EML5: variants seen among roughly 807,000 people sequenced by gnomAD.
The protein encoded by EML5 is EMAP like 5, also known as echinoderm microtubule-associated protein-like 5.
EML5 carries 120 observed loss-of-function variants against 250.0 expected under a neutral mutation model. The ratio of observed to expected loss-of-function variants is 0.48; its 90% CI spans 0.41 to 0.56. EML5 has a LOEUF of 0.56. Among genes scored for constraint, EML5 ranks in the 20% least tolerant of loss-of-function variants. The pLI is 0.00. For synonymous variants in EML5, 771 were observed against 806.5 expected (o/e 0.96, Z 0.75); for missense variants, 2,006 against 2,437.6 (o/e 0.82, Z 3.73).
At chr14:88,731,244 G>A (rs1020586427) in intron 7 of EML5, among the ~76,000 whole-genome samples, 9 of 117,376 alleles carry the variant, frequency 7.7e-5, no homozygotes, top group Admixed American at 2.0e-4. Context: ...GACAGGCCCC[G>A]GTGTGTGATG....
chr14:88,616,973 CT>C, intron 41 of EML5, 94 bp from the exon 42 acceptor site: 2 of 1,168,662 alleles, frequency 1.7e-6, no homozygotes, highest in South Asian at 3.3e-5. Flanking sequence ...TCTAAGTACC[CT>C]ATCATGTTAC....
chr14:88,707,650 A>T (rs918335401), intron 10 of EML5, among the ~76,000 whole-genome samples: 1 of 152,170 alleles, frequency 6.6e-6, no homozygotes, highest in Non-Finnish European at 1.5e-5. Flanking sequence ...ATTTAAGATA[A>T]CTATCATCAT....
At position 88,705,587 on chromosome 14, in the gene EML5, T is replaced by A. The variant is rs913673837; in HGVS notation, c.1827A>T (p.Glu609Asp). Residue 609 changes from glutamate (E) to aspartate (D), a missense_variant and splice_region_variant, in exon 12 of 44, where the codon GAA becomes GAT. Glu to Asp is a conservative substitution (Grantham distance 45, BLOSUM62 2). Transcript: ENST00000554922. ...CATCACTATGAGAGTCAGCCAGACT[T>A]TCTGTAATTTTTAAAAATGAAATGT... ...LKDAVHIAPQ[E>D]SLADSHSDES... 5 of 1,571,044 alleles carry A rather than the reference T, an allele frequency of 3.2e-6. No individual in the cohort carries two copies. The African/African-American group carries it at 6.8e-5, about 21-fold the overall frequency.
At chr14:88,743,598 G>T (rs533249128) in intron 4 of EML5, among the ~76,000 whole-genome samples, 1 of 152,016 alleles carries the variant, frequency 6.6e-6, no homozygotes, top group Non-Finnish European at 1.5e-5. Context: ...GCTCAAAGAG[G>T]TTAAATAACT....
chr14:88,782,454 G>A (rs1350318144), intron 1 of EML5, among the ~76,000 whole-genome samples: 1 of 152,204 alleles, frequency 6.6e-6, no homozygotes, highest in Non-Finnish European at 1.5e-5. Flanking sequence ...GGAGCCAAAG[G>A]CTAATCACAA....
intron 2 of EML5, among the ~76,000 whole-genome samples, chr14:88,747,693 G>A (rs1425884257): frequency 6.6e-6 from 1 of 151,994 alleles, no homozygotes; most frequent in Non-Finnish European, 1.5e-5. Context: ...AGAAGCAAAC[G>A]GAACTTCCAG....
chr14:88,666,301 A>G (rs1395855352), intron 21 of EML5, among the ~76,000 whole-genome samples: 2 of 152,150 alleles, frequency 1.3e-5, no homozygotes, highest in African/African-American at 4.8e-5. Context: ...ATCTCAGCTC[A>G]CTGCAACCTC....
In EML5 at chr14:88,657,359, C is replaced by T. The variant is rs769961995; in HGVS notation, c.4004+17G>A. 1 of 1,542,958 alleles carries T rather than the reference C, an allele frequency of 6.5e-7. No individual in the cohort carries two copies. The highest frequency in any genetic ancestry group is 8.7e-7 in the Non-Finnish European group (1 of 1,144,496). ...ACAATATCTTTTTCTTCATCTAATA[C>T]TAAACTAAATTATTACCTTTCATCA... On this transcript the variant is annotated intron_variant, in intron 27 of 43. Transcript: ENST00000554922.
chr14:88,694,215 C>T (rs2093025734), intron 17 of EML5, 92 bp downstream of exon 17: 4 of 762,598 alleles, frequency 5.2e-6, no homozygotes, highest in Admixed American at 5.7e-5. Flanking sequence ...TTCCAGGATG[C>T]AGTCTAGGGT....
intron 1 of EML5, among the ~76,000 whole-genome samples, chr14:88,760,745 G>A (rs2094228416): frequency 6.6e-6 from 1 of 152,134 alleles, no homozygotes; most frequent in African/African-American, 2.4e-5. Context: ...AAACTTTGAA[G>A]AGAAGTGACA....
intron 33 of EML5, among the ~76,000 whole-genome samples, chr14:88,633,808 A>T (rs921046691): frequency 6.6e-6 from 1 of 151,180 alleles, no homozygotes; most frequent in African/African-American, 2.4e-5. Context: ...ACAGGGTCTC[A>T]CTATGTTGCC....
At chr14:88,705,418 C>A in intron 12 of EML5, 64 bp downstream of exon 12, 1 of 1,170,628 alleles carries the variant, frequency 8.5e-7, no homozygotes, top group Non-Finnish European at 1.2e-6. Context: ...AGATGACTAA[C>A]GGGGAGCAAG....
intron 20 of EML5, among the ~76,000 whole-genome samples, chr14:88,684,364 G>T (rs1321594837): frequency 7.9e-6 from 1 of 127,320 alleles, no homozygotes; most frequent in East Asian, 2.3e-4. Flanking sequence ...TAGAGACGGG[G>T]TTTCACCGTT....
intron 1 of EML5, among the ~76,000 whole-genome samples, chr14:88,755,152 A>C (rs2094143887): frequency 6.6e-6 from 1 of 152,222 alleles, no homozygotes; most frequent in Non-Finnish European, 1.5e-5. Flanking sequence ...CCATGCTAAC[A>C]GTTACTACTT....
chr14:88,690,271 T>A (rs2092926891), intron 17 of EML5, among the ~76,000 whole-genome samples: 1 of 152,196 alleles, frequency 6.6e-6, no homozygotes, highest in Non-Finnish European at 1.5e-5. Context: ...ATTTGAATAG[T>A]GAAATGACAA....
rs2087558395 is a variant in EML5 at position 88,616,053 on chromosome 14, T to C, written c.5897+89A>G. 5 of 1,384,682 alleles carry C rather than the reference T, an allele frequency of 3.6e-6. No homozygotes were observed. The East Asian group carries it at 1.2e-4, about 34-fold the overall frequency. 85.8% of individuals were successfully genotyped at this position (1,384,682 alleles called of 1,614,324 possible). On this transcript the variant is annotated intron_variant, in intron 43 of 43. Transcript: ENST00000554922. The stretch of plus-strand genomic sequence containing the variant: ...CCTTCTACTAATGTTGACTAGCTGA[T>C]TTCATAAACCAAAGCTGTAGGAGTT...
chr14:88,644,812 G>A (rs752007584), intron 29 of EML5: 5 of 198,878 alleles, frequency 2.5e-5, no homozygotes, highest in Non-Finnish European at 5.1e-5. Flanking sequence ...CTGGATTCAA[G>A]CGATTCTCCT....
At chr14:88,626,349 T>C (rs2089941214) in intron 35 of EML5, 1 of 155,654 alleles carries the variant, frequency 6.4e-6, no homozygotes, top group African/African-American at 2.4e-5. Context: ...ATCCTTATTA[T>C]GGTGGCTCAT....
chr14:88,678,114 A>T (rs2092637534), intron 21 of EML5, among the ~76,000 whole-genome samples: 1 of 152,230 alleles, frequency 6.6e-6, no homozygotes, highest in Admixed American at 6.5e-5. Flanking sequence ...TGCAGCCATA[A>T]AAAGTAACAA....
Sources: allele counts gnomAD v4.1 joint callset (sites outside exome capture counted in the v4.1 genomes callset), GRCh38; gene constraint gnomAD v4.1.1; transcripts MANE v1.5; gene names NCBI Gene and HGNC (gene_info 2026-07-23, HGNC 2026-07-21).